Variants in EXOC6B observed in about 807,000 individuals in gnomAD.
EXOC6B encodes the protein exocyst complex component 6B, also known as SEC15 homolog B.
EXOC6B carries 54 observed loss-of-function variants against 113.5 expected under a neutral mutation model. The ratio of observed to expected loss-of-function variants is 0.48; its 90% confidence interval spans 0.38 to 0.60. The LOEUF is 0.60. Among genes scored for constraint, EXOC6B ranks in the 20% least tolerant of loss-of-function variants. EXOC6B has a pLI of 0.00. For missense variants in EXOC6B, 797 were observed against 977.5 expected, an observed-to-expected ratio of 0.82 and a Z score of 2.46; for synonymous variants, 357 against 339.0, an observed-to-expected ratio of 1.05 and a Z score of -0.58.
intron 7 of EXOC6B, among the ~76,000 whole-genome samples, chr2:72,570,825 C>T (rs1355337681): frequency 2.6e-5 from 4 of 152,080 alleles, no homozygotes; most frequent in African/African-American, 7.2e-5. Context: ...GTTCATCAGT[C>T]CATGCAAATA....
At chr2:72,642,986 T>A (rs1009559562) in intron 6 of EXOC6B, among the ~76,000 whole-genome samples, 3 of 151,818 alleles carry the variant, frequency 2.0e-5, no homozygotes, top group Non-Finnish European at 4.4e-5. Context: ...AAAGAAGACA[T>A]TTATGCAGCC....
intron 8 of EXOC6B, among the ~76,000 whole-genome samples, chr2:72,541,632 T>C (rs1702608183): frequency 6.6e-6 from 1 of 152,240 alleles, no homozygotes; most frequent in Admixed American, 6.5e-5. Context: ...TCAACACACA[T>C]ATTAGTCTAG....
intron 20 of EXOC6B, among the ~76,000 whole-genome samples, chr2:72,321,363 C>T (rs150258192): frequency 6.6e-6 from 1 of 151,960 alleles, no homozygotes; most frequent in South Asian, 2.1e-4. Flanking sequence ...GGTGAAACCT[C>T]GTCTCTCCTA....
At chr2:72,817,954 C>T (rs999895838) in intron 1 of EXOC6B, among the ~76,000 whole-genome samples, 1 of 152,008 alleles carries the variant, frequency 6.6e-6, no homozygotes, top group East Asian at 1.9e-4. Context: ...CCAGAACATT[C>T]CTTGTTTGTT....
chr2:72,810,756 C>T (rs909914114), intron 1 of EXOC6B, among the ~76,000 whole-genome samples: 9 of 152,014 alleles, frequency 5.9e-5, no homozygotes, highest in Admixed American at 2.6e-4. Flanking sequence ...GGAATATAAC[C>T]ATACGTCAGT....
chr2:72,309,964 TATTTC>T (rs1687091845), intron 20 of EXOC6B, among the ~76,000 whole-genome samples: 1 of 152,212 alleles, frequency 6.6e-6, no homozygotes, highest in African/African-American at 2.4e-5. Context: ...CATGTATCAG[TATTTC>T]ATTTCTTTTG....
chr2:72,477,703 C>T (rs977323471), intron 17 of EXOC6B, among the ~76,000 whole-genome samples: 6 of 152,288 alleles, frequency 3.9e-5, no homozygotes, highest in Middle Eastern at 3.4e-3. Context: ...CTCCTGAATA[C>T]TTCATCTCTT....
chr2:72,462,099 T>A (rs1349097148), intron 18 of EXOC6B: 1 of 152,110 alleles, frequency 6.6e-6, no homozygotes, highest in Admixed American at 6.6e-5. Flanking sequence ...AATACTCCCA[T>A]CCTGGAATAC....
intron 6 of EXOC6B, among the ~76,000 whole-genome samples, chr2:72,704,108 A>G (rs1298931236): frequency 1.3e-5 from 2 of 150,330 alleles, no homozygotes; most frequent in African/African-American, 2.5e-5. Context: ...GTAAAAGAAC[A>G]GAAATTATAA....
At chr2:72,753,940 G>T (rs1325671262) in intron 1 of EXOC6B, among the ~76,000 whole-genome samples, 2 of 152,002 alleles carry the variant, frequency 1.3e-5, no homozygotes, top group Admixed American at 1.3e-4. Context: ...TAGTTTTTAG[G>T]ATTTGTTTTT....
chr2:72,518,483 GGT>G (rs138382972), intron 8 of EXOC6B, among the ~76,000 whole-genome samples: 93,775 of 143,312 alleles, frequency 0.65, 30,717 homozygotes, highest in East Asian at 0.89. Flanking sequence ...ATTAAAGTAG[GGT>G]GTGTGTGTGT....
Position 72,731,230 on chromosome 2 carries a change from C to T in EXOC6B, c.343G>A (p.Glu115Lys). The T allele has an allele frequency of 6.2e-7, 1 of 1,613,070 alleles. No individual in the cohort carries two copies. The highest frequency in any genetic ancestry group is 8.5e-7 in the Non-Finnish European group (1 of 1,179,456). Residue 115 changes from glutamate (E) to lysine (K), a missense_variant, in exon 4 of 22, where the codon GAA becomes AAA. Coordinates refer to ENST00000272427, the MANE Select transcript of EXOC6B (RefSeq NM_015189.3). ...HEGKELVIAM[E>K]ELKQCRLQQR... Reference sequence around the variant, plus strand: ...TGTAGTCGACACTGCTTCAGCTCTTCCATTGCTATTACCAGCTTGGCAAGA... The same window carrying T: ...TGTAGTCGACACTGCTTCAGCTCTTTCATTGCTATTACCAGCTTGGCAAGA...
intron 10 of EXOC6B, 72 bp from the exon 11 acceptor site, chr2:72,513,324 A>T: frequency 6.5e-7 from 1 of 1,546,684 alleles, no homozygotes; most frequent in South Asian, 1.2e-5. Context: ...GGGTTTGACA[A>T]GCATTAAGAG....
At chr2:72,606,631 C>CTTTTTTTT (rs200868918) in intron 6 of EXOC6B, among the ~76,000 whole-genome samples, 2 of 144,724 alleles carry the variant, frequency 1.4e-5, no homozygotes, top group Admixed American at 1.4e-4. Context: ...CACTTTCTTT[C>CTTTTTTTT]TTTCTTTTTT....
chr2:72,446,194 A>G (rs1473782381), intron 18 of EXOC6B, among the ~76,000 whole-genome samples: 1 of 152,140 alleles, frequency 6.6e-6, no homozygotes, highest in Non-Finnish European at 1.5e-5. Flanking sequence ...ACATGCATGC[A>G]AATGTCCATT....
At chr2:72,670,669 A>C (rs1041010507) in intron 6 of EXOC6B, among the ~76,000 whole-genome samples, 1 of 152,208 alleles carries the variant, frequency 6.6e-6, no homozygotes, top group Non-Finnish European at 1.5e-5. Context: ...CTTTCTTTTC[A>C]GGAAATTGCT....
intron 20 of EXOC6B, 40 bp downstream of exon 20, chr2:72,334,907 T>C (rs1416935557): frequency 6.3e-7 from 1 of 1,592,434 alleles, no homozygotes; most frequent in South Asian, 1.1e-5. Flanking sequence ...CAGTCACACA[T>C]CTTAAAAGAA....
At chr2:72,248,476 T>C (rs1466873267) in intron 20 of EXOC6B, among the ~76,000 whole-genome samples, 1 of 152,204 alleles carries the variant, frequency 6.6e-6, no homozygotes, top group Non-Finnish European at 1.5e-5. Flanking sequence ...ATAAACAGCA[T>C]AGGTTCACTT....
intron 20 of EXOC6B, among the ~76,000 whole-genome samples, chr2:72,189,779 T>C (rs1211382437): frequency 7.0e-6 from 1 of 143,444 alleles, no homozygotes; most frequent in Non-Finnish European, 1.5e-5. Flanking sequence ...TCTTTTCTCC[T>C]TTCCTTTCCT....
Sources: allele counts gnomAD v4.1 joint callset (sites outside exome capture counted in the v4.1 genomes callset), GRCh38; gene constraint gnomAD v4.1.1; transcripts MANE v1.5; gene names NCBI Gene and HGNC (gene_info 2026-07-23, HGNC 2026-07-21).